Variants in ANO6 observed in about 807,000 individuals in gnomAD.
The protein encoded by ANO6 is anoctamin 6.
A neutral mutation model predicts 117.5 loss-of-function variants in ANO6; 106 were observed. The ratio of observed to expected loss-of-function variants is 0.90; its 90% CI spans 0.77 to 1.06. ANO6 has a LOEUF of 1.06. Ranked by LOEUF, ANO6 falls within the 50% of genes least tolerant of loss-of-function variation. The pLI, the probability that ANO6 is intolerant of heterozygous loss-of-function variation, is 0.00. For missense variants in ANO6, 955 were observed against 1,121.1 expected (o/e 0.85, Z 2.12); for synonymous variants, 367 against 385.1 (o/e 0.95, Z 0.55).
At chr12:45,357,240 T>C in intron 7 of ANO6, 50 bp from the exon 8 acceptor site, 1 of 1,588,268 alleles carries the variant, frequency 6.3e-7, no homozygotes, top group Non-Finnish European at 8.6e-7. Context: ...AGGATGAAGC[T>C]ACGGAGTAAT....
At chr12:45,267,070 T>G (rs1237603249) in intron 1 of ANO6, among the ~76,000 whole-genome samples, 1 of 152,142 alleles carries the variant, frequency 6.6e-6, no homozygotes, top group East Asian at 1.9e-4. Context: ...GCTATTTGAA[T>G]TGAATCATCC....
chr12:45,433,426 A>G (rs562697060), downstream of ANO6, among the ~76,000 whole-genome samples: 1 of 152,324 alleles, frequency 6.6e-6, no homozygotes, highest in South Asian at 2.1e-4. Context: ...TTACTTTGGC[A>G]AACTCCTGCC....
chr12:45,236,191 CA>C (rs1947642404), intron 1 of ANO6, among the ~76,000 whole-genome samples: 1 of 152,222 alleles, frequency 6.6e-6, no homozygotes, highest in African/African-American at 2.4e-5. Context: ...AGTTTATTGT[CA>C]AATTAATGGT....
At chr12:45,318,903 T>A (rs1001902634) in intron 2 of ANO6, among the ~76,000 whole-genome samples, 27 of 152,214 alleles carry the variant, frequency 1.8e-4, no homozygotes, top group Non-Finnish European at 2.6e-4. Flanking sequence ...AGTTCACTCA[T>A]GATTTGGCTC....
chr12:45,253,999 T>G (rs1402228417), intron 1 of ANO6, among the ~76,000 whole-genome samples: 2 of 152,170 alleles, frequency 1.3e-5, no homozygotes, highest in African/African-American at 4.8e-5. Flanking sequence ...AAACCCCGTC[T>G]GTATTAAAAA....
intron 3 of ANO6, 107 bp downstream of exon 3, chr12:45,331,530 C>G (rs1940666634): frequency 9.5e-7 from 1 of 1,054,310 alleles, no homozygotes; most frequent in African/African-American, 1.6e-5. Context: ...AAATATCATA[C>G]ACAAAACAGT....
intron 16 of ANO6, among the ~76,000 whole-genome samples, chr12:45,416,316 TTTC>T (rs1592041338): frequency 6.9e-6 from 1 of 145,612 alleles, no homozygotes; most frequent in African/African-American, 2.7e-5. Flanking sequence ...TGCCACAATA[TTTC>T]TTTTTTCTTA....
intron 9 of ANO6, among the ~76,000 whole-genome samples, chr12:45,370,326 A>G (rs1213201105): frequency 1.3e-5 from 2 of 152,190 alleles, no homozygotes; most frequent in Non-Finnish European, 2.9e-5. Flanking sequence ...TCCCTCTCAT[A>G]AGAGTGCTAG....
At chr12:45,316,859 C>T (rs2137350487) in intron 2 of ANO6, among the ~76,000 whole-genome samples, 1 of 149,478 alleles carries the variant, frequency 6.7e-6, no homozygotes, top group Admixed American at 6.7e-5. Context: ...AATATTCTTA[C>T]ACTTCACACT....
At chr12:45,440,241 T>C (rs1943755729) in exon 20 of ANO6, 2 of 194,872 alleles carry the variant, frequency 1.0e-5, no homozygotes, top group Admixed American at 6.0e-5. Context: ...AATTTCTTTT[T>C]CTTTTTTCTT....
chr12:45,415,023 G>A (rs1044017776), intron 16 of ANO6, among the ~76,000 whole-genome samples: 2 of 152,166 alleles, frequency 1.3e-5, no homozygotes, highest in African/African-American at 4.8e-5. Context: ...CTCCCAAAGT[G>A]CTGGGATTAC....
At chr12:45,339,346 G>A (rs1314737479) in intron 3 of ANO6, among the ~76,000 whole-genome samples, 1 of 152,046 alleles carries the variant, frequency 6.6e-6, no homozygotes, top group African/African-American at 2.4e-5. Flanking sequence ...CCTTTAAGCA[G>A]ATAAGTTTGG....
chr12:45,326,413 A>G (rs1254749343), intron 2 of ANO6, among the ~76,000 whole-genome samples: 1 of 152,228 alleles, frequency 6.6e-6, no homozygotes, highest in Non-Finnish European at 1.5e-5. Context: ...AATAATAAGT[A>G]GTATGTTTTG....
At chr12:45,358,268 A>T (rs570137826) in intron 8 of ANO6, among the ~76,000 whole-genome samples, 2 of 152,202 alleles carry the variant, frequency 1.3e-5, no homozygotes, top group African/African-American at 2.4e-5. Context: ...GGCAGCCCTG[A>T]TGGATAGACA....
intron 3 of ANO6, 106 bp downstream of exon 3, chr12:45,331,529 AC>A: frequency 9.4e-7 from 1 of 1,066,622 alleles, no homozygotes; most frequent in Non-Finnish European, 1.3e-6. Context: ...GAAATATCAT[AC>A]ACAAAACAGT....
intron 1 of ANO6, among the ~76,000 whole-genome samples, chr12:45,258,854 G>A (rs1377256170): frequency 1.3e-5 from 2 of 152,202 alleles, no homozygotes; most frequent in Non-Finnish European, 2.9e-5. Context: ...ATAAAAGATT[G>A]TTAAGTTATA....
intron 2 of ANO6, among the ~76,000 whole-genome samples, chr12:45,312,847 A>T (rs1307818623): frequency 6.6e-6 from 1 of 152,102 alleles, no homozygotes; most frequent in African/African-American, 2.4e-5. Flanking sequence ...ATGGATCTTT[A>T]TGATGTTAAC....
intron 10 of ANO6, among the ~76,000 whole-genome samples, chr12:45,381,351 A>AT (rs1297616130): frequency 1.3e-5 from 2 of 152,186 alleles, no homozygotes; most frequent in Admixed American, 6.5e-5. Context: ...GCACCTCTGG[A>AT]TTGCCAGAGA....
At chr12:45,352,963 C>G (rs1593003029) in intron 7 of ANO6, among the ~76,000 whole-genome samples, 1 of 148,436 alleles carries the variant, frequency 6.7e-6, no homozygotes, top group East Asian at 1.9e-4. Context: ...TGATTTCATT[C>G]TCTCCTGTGG....
Sources: gnomAD v4.1 joint callset for allele counts (sites outside exome capture counted in the v4.1 genomes callset) on GRCh38, gnomAD v4.1.1 for gene constraint, MANE v1.5 for transcripts, NCBI Gene and HGNC (gene_info 2026-07-23, HGNC 2026-07-21) for gene names.